TBX5: variants seen among roughly 807,000 people sequenced by gnomAD.
TBX5 encodes T-box transcription factor 5, also known as T-box transcription factor TBX5.
A neutral mutation model predicts 51.1 loss-of-function variants in TBX5; 8 were observed. The ratio of observed to expected loss-of-function variants is 0.16; its 90% CI spans 0.09 to 0.28. The LOEUF (loss-of-function observed/expected upper bound fraction) is 0.28. Ranked by LOEUF, TBX5 falls within the 10% of genes least tolerant of loss-of-function variation. The pLI is 1.00. For missense variants in TBX5, 589 were observed against 671.7 expected, an observed-to-expected ratio of 0.88 and a Z score of 1.36; for synonymous variants, 302 against 266.4, an observed-to-expected ratio of 1.13 and a Z score of -1.30.
chr12:114,391,606 T>C (rs1220644076), intron 6 of TBX5, among the ~76,000 whole-genome samples: 4 of 152,164 alleles, frequency 2.6e-5, no homozygotes, highest in Non-Finnish European at 5.9e-5. Flanking sequence ...TGGAGTTAAG[T>C]CATTTGCCCA....
chr12:114,394,786 A>G lies in TBX5; in HGVS notation c.618T>C (p.Phe206=), dbSNP rs533581420. ...TCACTGCTATAAACGCAGTCTCAGG[A>G]AAGACGTGAGTGCAGAACGCTGTAT... ...SKNTAFCTHV[F]PETAFIAVTS... Residue 206 remains phenylalanine, a synonymous_variant, in exon 6 of 9, where the codon TTT becomes TTC. Coordinates refer to ENST00000405440, the MANE Select transcript of TBX5 (RefSeq NM_181486.4). 1 of 1,614,200 alleles carries G rather than the reference A, an allele frequency of 6.2e-7. No individual in the cohort carries two copies. Among genetic ancestry groups the G allele is most frequent in the African/African-American group, 1.3e-5 (1 of 75,054 alleles).
intron 7 of TBX5, among the ~76,000 whole-genome samples, chr12:114,376,140 T>A (rs1305400229): frequency 6.6e-6 from 1 of 151,884 alleles, no homozygotes; most frequent in African/African-American, 2.4e-5. Flanking sequence ...CCAAAGGAAA[T>A]GAAATCAGTA....
intron 7 of TBX5, among the ~76,000 whole-genome samples, chr12:114,381,417 AT>A (rs1189233842): frequency 1.3e-5 from 2 of 152,166 alleles, no homozygotes; most frequent in Non-Finnish European, 2.9e-5. Context: ...GGAGAGCCAT[AT>A]TCCCCACTTG....
rs117661290 is a variant in TBX5 at position 114,367,738 on chromosome 12, C to T, written c.756-1347G>A. ...ATCCAAGTATGTGAGAGAAGAAGAG[C>T]TTGACCCCTAACATCCCATATCCAG... On this transcript the variant is annotated intron_variant, in intron 7 of 8. Coordinates refer to ENST00000405440, the MANE Select transcript of TBX5 (RefSeq NM_181486.4). Among the ~76,000 whole-genome samples, 46 of 152,288 alleles carry T rather than the reference C, an allele frequency of 3.0e-4. No homozygotes were observed. The East Asian group carries it at 8.7e-3, about 29-fold the overall frequency.
rs1443171639 is a variant in TBX5 at position 114,405,896 on chromosome 12, C to T, written c.-307G>A. Reference sequence around the variant, plus strand: ...GCAAGCGCCAAAGAACACAAAATAGCCTCCAAGAGCACCGGCAACCATATA... The same window carrying T: ...GCAAGCGCCAAAGAACACAAAATAGTCTCCAAGAGCACCGGCAACCATATA... On this transcript the variant is annotated 5_prime_UTR_variant, in exon 1 of 9. Coordinates refer to ENST00000405440, the MANE Select transcript of TBX5 (RefSeq NM_181486.4). 3.0e-6 allele frequency: 3 copies of T among 985,550 alleles called. No homozygotes were observed. The highest frequency in any genetic ancestry group is 3.6e-6 in the Non-Finnish European group (3 of 830,046). The allele number at this position is 985,550 out of a possible 1,614,324, so 61.1% of individuals were successfully genotyped here. A position where few individuals can be genotyped will look rare whatever the true frequency, so the allele number is the denominator to read the frequency against.
upstream of TBX5, among the ~76,000 whole-genome samples, chr12:114,406,702 A>G (rs1457766717): frequency 6.6e-6 from 1 of 152,068 alleles, no homozygotes; most frequent in Non-Finnish European, 1.5e-5. Flanking sequence ...CTCACCCCCC[A>G]CCCAGTGGGG....
At chr12:114,365,999 G>C in intron 8 of TBX5, 166 bp downstream of exon 8, 1 of 830,012 alleles carries the variant, frequency 1.2e-6, no homozygotes, top group Admixed American at 2.1e-5. Context: ...GGAACTTTTT[G>C]TTTTAGCTGT....
In TBX5 at chr12:114,354,403, T is replaced by G. The variant is rs1868749563; in HGVS notation, c.*1129A>C. Reference sequence around the variant, plus strand: ...TTACACACTTTTTTTAATACTGTTTTCGGCTTTCAGTAAACACAGTTTTGT... The same window carrying G: ...TTACACACTTTTTTTAATACTGTTTGCGGCTTTCAGTAAACACAGTTTTGT... On this transcript the variant is annotated 3_prime_UTR_variant, in exon 9 of 9. Coordinates refer to ENST00000405440, the MANE Select transcript of TBX5 (RefSeq NM_181486.4). The G allele has an allele frequency of 6.6e-6, 1 of 152,170 alleles. No individual in the cohort carries two copies. Among genetic ancestry groups the G allele is most frequent in the African/African-American group, 2.4e-5 (1 of 41,452 alleles). 9.4% of individuals were successfully genotyped at this position (152,170 alleles called of 1,614,324 possible).
At chr12:114,385,807 T>C (rs1389771049) in intron 6 of TBX5, among the ~76,000 whole-genome samples, 3 of 151,022 alleles carry the variant, frequency 2.0e-5, no homozygotes, top group Non-Finnish European at 4.4e-5. Context: ...GCCCATTAAT[T>C]GGAGTCATAC....
intron 7 of TBX5, among the ~76,000 whole-genome samples, chr12:114,384,763 T>C (rs927235813): frequency 8.5e-6 from 1 of 117,698 alleles, no homozygotes; most frequent in Non-Finnish European, 2.0e-5. Context: ...CACACAAACC[T>C]TCTTGGTCAG....
Position 114,375,186 on chromosome 12 carries a change from C to T in TBX5, c.756-8795G>A, listed in dbSNP as rs77785164. Among the ~76,000 whole-genome samples the T allele has an allele frequency of 3.3e-3, 504 of 152,306 alleles. 1 individual carries two copies. The highest frequency in any genetic ancestry group is 5.5e-3 in the Non-Finnish European group (374 of 68,032). On this transcript the variant is annotated intron_variant, in intron 7 of 8. Transcript: ENST00000405440. Reference sequence around the variant, plus strand: ...GGCTTTGTTTGCAGAAATACAATCACGTGTTCATCTGCATTCTCTAGTGCT... The same window carrying T: ...GGCTTTGTTTGCAGAAATACAATCATGTGTTCATCTGCATTCTCTAGTGCT...
intron 8 of TBX5, among the ~76,000 whole-genome samples, chr12:114,357,549 G>A (rs557812753): frequency 6.6e-6 from 1 of 152,204 alleles, no homozygotes; most frequent in East Asian, 1.9e-4. Flanking sequence ...TACCTTACTG[G>A]GTAGCTAAGA....
chr12:114,407,688 C>A (rs948217297), upstream of TBX5: 2 of 858,166 alleles, frequency 2.3e-6, no homozygotes, highest in Non-Finnish European at 2.8e-6. Flanking sequence ...ATTCTTATTT[C>A]GTTCATGAGA....
chr12:114,355,558 C>T lies in TBX5; in HGVS notation c.1531G>A (p.Val511Met), dbSNP rs1308362725. ...TAGCTATTGTCGCTCCACTCTGGCA[C>T]CATGCCAACTCCGTGCACAGAGTGG... Reference protein sequence around the residue: ...QYHSVHGVGMVPEWSDNS With the variant: ...QYHSVHGVGMMPEWSDNS The change falls in exon 9 of 9, where the codon GTG becomes ATG. Residue 511 changes from valine (V) to methionine (M), a missense_variant. Val to Met is a conservative substitution (Grantham distance 21). This residue lies in a region of TBX5 where 348 missense variants were observed against 360.4 expected (regional missense o/e 0.97). Transcript: ENST00000405440. 4 of 1,614,162 alleles carry T rather than the reference C, an allele frequency of 2.5e-6. No individual in the cohort carries two copies. In the South Asian group the frequency reaches 4.4e-5, roughly 18 times the overall value.
chr12:114,392,430 G>A (rs1222245773), intron 6 of TBX5, among the ~76,000 whole-genome samples: 5 of 152,150 alleles, frequency 3.3e-5, no homozygotes, highest in African/African-American at 1.2e-4. Flanking sequence ...CAATAAGGCT[G>A]TCAACAGAAA....
In TBX5 at chr12:114,394,895, TA is replaced by T. The variant is rs1871340534; in HGVS notation, c.511-3del. On this transcript the variant is annotated splice_polypyrimidine_tract_variant and splice_region_variant and intron_variant, in intron 5 of 8. Coordinates refer to ENST00000405440, the MANE Select transcript of TBX5 (RefSeq NM_181486.4). ...TTTGTGCATGGAATTTAGAATAATC[TA>T]AAAATAATAAAGAAAATGAGATTGT... 2 of 1,612,824 alleles carry T rather than the reference TA, an allele frequency of 1.2e-6. No individual in the cohort carries two copies. The highest frequency in any genetic ancestry group is 2.7e-5 in the African/African-American group (2 of 74,850).
intron 6 of TBX5, among the ~76,000 whole-genome samples, chr12:114,387,617 T>A (rs1870889182): frequency 6.6e-6 from 1 of 152,120 alleles, no homozygotes; most frequent in African/African-American, 2.4e-5. Context: ...TCCAAACCCA[T>A]GGAATGTACA....
chr12:114,399,397 T>C (rs1871648189), intron 4 of TBX5, 116 bp downstream of exon 4: 1 of 1,475,588 alleles, frequency 6.8e-7, no homozygotes, highest in African/African-American at 1.4e-5. Context: ...CAGACGCCTT[T>C]AGCACACAGT....
intron 8 of TBX5, among the ~76,000 whole-genome samples, chr12:114,360,177 T>C (rs1255469881): frequency 6.6e-6 from 1 of 152,210 alleles, no homozygotes; most frequent in Non-Finnish European, 1.5e-5. Context: ...TCTTTCTAGC[T>C]GAGTGACCTT....
Sources: gnomAD v4.1 joint callset for allele counts (sites outside exome capture counted in the v4.1 genomes callset) on GRCh38, gnomAD v4.1.1 for gene constraint, gnomAD v4.1.1 regional missense constraint, MANE v1.5 for transcripts, NCBI Gene and HGNC (gene_info 2026-07-23, HGNC 2026-07-21) for gene names.